The following DCDC1 variants were observed in gnomAD, a reference collection of about 807,000 sequenced individuals.
The protein encoded by DCDC1 is doublecortin domain containing 1, also known as doublecortin domain-containing protein 1.
DCDC1 carries 200 observed loss-of-function variants against 178.3 expected under a neutral mutation model. That is an observed-to-expected ratio of 1.12 (90% confidence interval 1.00 to 1.26). The LOEUF (loss-of-function observed/expected upper bound fraction) is 1.26. DCDC1 is among the 50% of genes most tolerant of loss of function. The pLI, the probability that DCDC1 is intolerant of heterozygous loss-of-function variation, is 0.00. For missense variants in DCDC1, 1,983 were observed against 1,749.2 expected (o/e 1.13, Z -2.38); for synonymous variants, 690 against 604.8 (o/e 1.14, Z -2.07).
At chr11:30,987,777 T>A (rs1950737619) in intron 20 of DCDC1, among the ~76,000 whole-genome samples, 1 of 152,218 alleles carries the variant, frequency 6.6e-6, no homozygotes, top group African/African-American at 2.4e-5. Flanking sequence ...ATTTGTAAAC[T>A]TTCTTAAAAC....
At chr11:31,130,816 A>G (rs1044110553) in intron 10 of DCDC1, among the ~76,000 whole-genome samples, 1 of 152,284 alleles carries the variant, frequency 6.6e-6, no homozygotes. Flanking sequence ...TATCATGGGA[A>G]TGGAAGGCAG....
chr11:30,945,914 G>A (rs1948017503), intron 21 of DCDC1, among the ~76,000 whole-genome samples: 1 of 152,064 alleles, frequency 6.6e-6, no homozygotes, highest in Non-Finnish European at 1.5e-5. Context: ...CCAACTAGAA[G>A]TGTCCCAGTT....
At position 31,256,268 on chromosome 11, in the gene DCDC1, C is replaced by T. The variant is rs183769359; in HGVS notation, c.1054+9239G>A. Among the ~76,000 whole-genome samples, 1,343 of 152,280 alleles carry T rather than the reference C, an allele frequency of 8.8e-3. 6 individuals are homozygous for T. Among genetic ancestry groups the T allele is most frequent in the Non-Finnish European group, 0.012 (838 of 68,024 alleles). ...TTTGAAATTGGGAAGTGTGAGTTCA[C>T]TGCAAGTAGTTTGCAAGGTTAAGAG... On this transcript the variant is annotated intron_variant, in intron 8 of 38. Coordinates refer to ENST00000684477, the MANE Select transcript of DCDC1 (RefSeq NM_001387274.1).
intron 11 of DCDC1, among the ~76,000 whole-genome samples, chr11:31,123,738 A>G (rs914436547): frequency 2.0e-5 from 3 of 151,956 alleles, no homozygotes; most frequent in Non-Finnish European, 4.4e-5. Flanking sequence ...TTTATAGGGG[A>G]AAAAAATCAT....
chr11:31,207,988 T>TA (rs1389382732), intron 9 of DCDC1, among the ~76,000 whole-genome samples: 2 of 152,188 alleles, frequency 1.3e-5, no homozygotes, highest in African/African-American at 4.8e-5. Flanking sequence ...AACAACCACC[T>TA]ATTCCTTCTC....
At chr11:31,138,911 C>A (rs963662920) in intron 9 of DCDC1, among the ~76,000 whole-genome samples, 4 of 151,946 alleles carry the variant, frequency 2.6e-5, no homozygotes, top group Non-Finnish European at 4.4e-5. Context: ...ATCAGAGATT[C>A]CGTTTTGTTA....
intron 17 of DCDC1, among the ~76,000 whole-genome samples, chr11:31,090,410 T>A (rs1054160331): frequency 6.6e-6 from 1 of 152,176 alleles, no homozygotes; most frequent in Admixed American, 6.5e-5. Context: ...TTAGTAGGTA[T>A]GGCCTTGAGC....
chr11:31,053,331 G>A (rs1288627240), intron 20 of DCDC1, among the ~76,000 whole-genome samples: 1 of 151,886 alleles, frequency 6.6e-6, no homozygotes, highest in Non-Finnish European at 1.5e-5. Flanking sequence ...AGATTGAAAT[G>A]GTAATTTAAA....
intron 21 of DCDC1, among the ~76,000 whole-genome samples, chr11:30,939,955 T>G (rs956973552): frequency 6.6e-6 from 1 of 152,220 alleles, no homozygotes; most frequent in Admixed American, 6.5e-5. Context: ...TTTTGGACTA[T>G]TAAGGCTGTC....
At chr11:31,327,148 C>G (rs1167490801) in intron 3 of DCDC1, among the ~76,000 whole-genome samples, 1 of 151,976 alleles carries the variant, frequency 6.6e-6, no homozygotes, top group Non-Finnish European at 1.5e-5. Flanking sequence ...TATCATCTGT[C>G]TTATATTCCT....
At chr11:31,177,613 A>C (rs912997277) in intron 9 of DCDC1, among the ~76,000 whole-genome samples, 3 of 152,188 alleles carry the variant, frequency 2.0e-5, no homozygotes, top group African/African-American at 7.2e-5. Flanking sequence ...ATTCAACTCT[A>C]TGCTGCCTAC....
chr11:31,157,621 T>C (rs981375277), intron 9 of DCDC1, among the ~76,000 whole-genome samples: 50 of 151,892 alleles, frequency 3.3e-4, no homozygotes, highest in African/African-American at 1.2e-3. Flanking sequence ...GATTTATGAG[T>C]TATCTAGAGT....
At chr11:31,066,799 T>C (rs1370961244) in intron 18 of DCDC1, among the ~76,000 whole-genome samples, 2 of 152,228 alleles carry the variant, frequency 1.3e-5, no homozygotes, top group African/African-American at 4.8e-5. Context: ...TATGTCATTA[T>C]ACATTAGTTC....
At chr11:31,025,946 G>T (rs183523365) in intron 20 of DCDC1, among the ~76,000 whole-genome samples, 1 of 151,750 alleles carries the variant, frequency 6.6e-6, no homozygotes, top group African/African-American at 2.4e-5. Context: ...ATGACTTCAG[G>T]AAGAAGCCTT....
intron 9 of DCDC1, among the ~76,000 whole-genome samples, chr11:31,194,175 T>A (rs931053331): frequency 5.3e-5 from 8 of 152,128 alleles, no homozygotes; most frequent in African/African-American, 1.9e-4. Flanking sequence ...TTTTTCAGCA[T>A]ATCACAAGCC....
chr11:31,149,259 G>T (rs999398989), intron 9 of DCDC1, among the ~76,000 whole-genome samples: 2 of 152,160 alleles, frequency 1.3e-5, no homozygotes, highest in African/African-American at 4.8e-5. Context: ...GGTGAAGCCA[G>T]CTGGACTTCC....
chr11:30,959,959 C>T (rs958722581), intron 20 of DCDC1, among the ~76,000 whole-genome samples: 3 of 152,052 alleles, frequency 2.0e-5, no homozygotes, highest in African/African-American at 7.2e-5. Flanking sequence ...CTGGGATTGC[C>T]CTTCCTAATA....
intron 3 of DCDC1, among the ~76,000 whole-genome samples, chr11:31,321,311 C>T (rs1293968979): frequency 2.6e-5 from 3 of 114,164 alleles, no homozygotes; most frequent in Admixed American, 9.6e-5. Context: ...AGCGAGATTC[C>T]GTGGGCGTAG....
chr11:31,219,688 G>T (rs1974021790), intron 9 of DCDC1, among the ~76,000 whole-genome samples: 1 of 152,126 alleles, frequency 6.6e-6, no homozygotes, highest in Non-Finnish European at 1.5e-5. Flanking sequence ...GACAAAGGTG[G>T]CAGGCAGTGA....
Sources: allele counts gnomAD v4.1 joint callset (sites outside exome capture counted in the v4.1 genomes callset), GRCh38; gene constraint gnomAD v4.1.1; transcripts MANE v1.5; gene names NCBI Gene and HGNC (gene_info 2026-07-23, HGNC 2026-07-21).